The following BACH2 variants were observed in gnomAD, a reference collection of about 807,000 sequenced individuals.
The protein encoded by BACH2 is transcription regulator protein BACH2.
In BACH2, 5 loss-of-function variants were observed where a neutral mutation model predicts 61.8. The observed-to-expected ratio is 0.08, with a 90% CI of 0.04 to 0.17. The LOEUF (loss-of-function observed/expected upper bound fraction) is 0.17, where lower values mean the gene tolerates loss of function less well. Among genes scored for constraint, BACH2 ranks in the 10% least tolerant of loss-of-function variants. BACH2 has a pLI of 1.00. For missense variants in BACH2, 824 were observed against 1,091.1 expected, an observed-to-expected ratio of 0.76 and a Z score of 3.45; for synonymous variants, 446 against 440.1, an observed-to-expected ratio of 1.01 and a Z score of -0.17.
At chr6:90,188,141 T>C (rs1042137365) in intron 4 of BACH2, among the ~76,000 whole-genome samples, 32 of 152,358 alleles carry the variant, frequency 2.1e-4, no homozygotes, top group African/African-American at 7.5e-4. Flanking sequence ...CCAACTCCTT[T>C]TGGTGACTGT....
chr6:90,296,506 C>T lies in BACH2; in HGVS notation c.-472G>A, dbSNP rs1048859935. On this transcript the variant is annotated 5_prime_UTR_variant, in exon 1 of 9. Coordinates refer to ENST00000257749, the MANE Select transcript of BACH2 (RefSeq NM_021813.4). ...TCGCCGGAGAACTTTGCGTCCTTTT[C>T]CGCCTCCTCTTCCCCGCGTCTTCCC... is the stretch of plus-strand genomic sequence containing the variant. 4 of 151,612 alleles carry T rather than the reference C, an allele frequency of 2.6e-5. No individual in the cohort carries two copies. The highest frequency in any genetic ancestry group is 9.6e-5 in the African/African-American group (4 of 41,476). The allele number at this position is 151,612 out of a possible 1,614,324, so 9.4% of individuals were successfully genotyped here.
At position 89,993,068 on chromosome 6, in the gene BACH2, G is replaced by A. The variant is rs144177712; in HGVS notation, c.243+15534C>T. On this transcript the variant is annotated intron_variant, in intron 6 of 8. Coordinates refer to ENST00000257749, the MANE Select transcript of BACH2 (RefSeq NM_021813.4). ...TATGTGAGGACACAAGGAGGCGGCT[G>A]TCTGTAAGCCCAAAGAGAGGCCTCT... Among the ~76,000 whole-genome samples, 62 of 152,328 alleles carry A rather than the reference G, an allele frequency of 4.1e-4. 1 individual carries two copies. The South Asian group carries it at 0.013, about 31-fold the overall frequency.
intron 5 of BACH2, among the ~76,000 whole-genome samples, chr6:90,053,991 C>T (rs547569034): frequency 6.6e-6 from 1 of 152,268 alleles, no homozygotes; most frequent in African/African-American, 2.4e-5. Context: ...TGGGGAGGAG[C>T]CAAGATGGCC....
At chr6:90,044,617 G>A (rs1462514613) in intron 5 of BACH2, among the ~76,000 whole-genome samples, 2 of 152,180 alleles carry the variant, frequency 1.3e-5, no homozygotes, top group East Asian at 3.9e-4. Flanking sequence ...ATGTTAGGAG[G>A]CTCCTGCAGC....
chr6:89,974,555 T>C (rs1775546870), intron 6 of BACH2, among the ~76,000 whole-genome samples: 1 of 152,238 alleles, frequency 6.6e-6, no homozygotes, highest in Admixed American at 6.5e-5. Context: ...CCTCACACGT[T>C]CCATGCATCA....
At chr6:90,011,932 A>ATGTGTG (rs71027919) in intron 5 of BACH2, among the ~76,000 whole-genome samples, 10,888 of 113,904 alleles carry the variant, frequency 0.096, 659 homozygotes, top group South Asian at 0.14. Context: ...AAAAAAAAAT[A>ATGTGTG]TGTGTGTGTG....
At chr6:90,117,555 C>T (rs1783455966) in intron 4 of BACH2, among the ~76,000 whole-genome samples, 1 of 151,688 alleles carries the variant, frequency 6.6e-6, no homozygotes, top group African/African-American at 2.4e-5. Context: ...ATAGCCTCCT[C>T]CACTCAACTG....
chr6:90,261,262 T>C (rs752890669), intron 2 of BACH2, among the ~76,000 whole-genome samples: 2 of 152,182 alleles, frequency 1.3e-5, no homozygotes, highest in Non-Finnish European at 2.9e-5. Context: ...TTACGTGCCA[T>C]CAGATCTGCT....
At chr6:90,295,393 C>T (rs2127896123) in intron 1 of BACH2, among the ~76,000 whole-genome samples, 1 of 152,312 alleles carries the variant, frequency 6.6e-6, no homozygotes, top group African/African-American at 2.4e-5. Flanking sequence ...CTTCCCCTCA[C>T]GGTCCGAGTT....
At chr6:89,974,534 C>T (rs1775545252) in intron 6 of BACH2, among the ~76,000 whole-genome samples, 3 of 152,174 alleles carry the variant, frequency 2.0e-5, no homozygotes, top group African/African-American at 4.8e-5. Flanking sequence ...GGAGAAAAAA[C>T]GCCCTGATGT....
At chr6:89,973,975 G>A (rs1441959692) in intron 6 of BACH2, among the ~76,000 whole-genome samples, 1 of 152,008 alleles carries the variant, frequency 6.6e-6, no homozygotes, top group Non-Finnish European at 1.5e-5. Flanking sequence ...ATTATTTCTT[G>A]TGTAAAGGCA....
intron 6 of BACH2, among the ~76,000 whole-genome samples, chr6:89,963,179 A>G (rs1774846677): frequency 6.6e-6 from 1 of 152,230 alleles, no homozygotes; most frequent in South Asian, 2.1e-4. Context: ...TAAAACTACA[A>G]TGAGATCTCA....
At chr6:90,242,583 C>A (rs1228644917) in intron 3 of BACH2, among the ~76,000 whole-genome samples, 1 of 152,190 alleles carries the variant, frequency 6.6e-6, no homozygotes, top group Non-Finnish European at 1.5e-5. Flanking sequence ...AAATTTTCAA[C>A]TCATTTGGGT....
chr6:90,128,891 G>T (rs1018692126), intron 4 of BACH2, among the ~76,000 whole-genome samples: 1 of 152,170 alleles, frequency 6.6e-6, no homozygotes, highest in Non-Finnish European at 1.5e-5. Flanking sequence ...CATAAAAAAT[G>T]ATGAGTTCAT....
chr6:90,040,876 G>T (rs911552204), intron 5 of BACH2, among the ~76,000 whole-genome samples: 8 of 152,020 alleles, frequency 5.3e-5, no homozygotes, highest in Non-Finnish European at 4.4e-5. Flanking sequence ...CTAATCAGCT[G>T]TTGATCACAT....
At chr6:90,172,522 C>T (rs1053022633) in intron 4 of BACH2, among the ~76,000 whole-genome samples, 1 of 151,442 alleles carries the variant, frequency 6.6e-6, no homozygotes, top group Non-Finnish European at 1.5e-5. Flanking sequence ...AAGAAATGCC[C>T]ACCCAGACAA....
At position 90,099,054 on chromosome 6, in the gene BACH2, G is replaced by GT. The variant is rs563373682; in HGVS notation, c.-161-9946dup. Among the ~76,000 whole-genome samples, 458 of 148,208 alleles carry GT rather than the reference G, an allele frequency of 3.1e-3. 5 individuals are homozygous for GT. The highest frequency in any genetic ancestry group is 0.025 in the South Asian group (117 of 4,710). ...AACTTTTGTTTTAAAAATTAAACCT[G>GT]TTTTTTTTTTCTTTATCATAAAAGC... On this transcript the variant is annotated intron_variant, in intron 4 of 8. Coordinates refer to ENST00000257749, the MANE Select transcript of BACH2 (RefSeq NM_021813.4).
At chr6:90,147,040 G>A (rs1784643527) in intron 4 of BACH2, among the ~76,000 whole-genome samples, 2 of 152,068 alleles carry the variant, frequency 1.3e-5, no homozygotes, top group Non-Finnish European at 2.9e-5. Context: ...TTTCCCGAAA[G>A]GGTAGAATAT....
intron 7 of BACH2, among the ~76,000 whole-genome samples, chr6:89,943,608 T>C (rs922902236): frequency 5.9e-5 from 9 of 152,148 alleles, no homozygotes; most frequent in South Asian, 2.1e-4. Flanking sequence ...AATCAAGTGG[T>C]GCTGTATCTA....
Sources: allele counts gnomAD v4.1 joint callset (sites outside exome capture counted in the v4.1 genomes callset), GRCh38; gene constraint gnomAD v4.1.1; transcripts MANE v1.5; gene names NCBI Gene and HGNC (gene_info 2026-07-23, HGNC 2026-07-21).